The following CEP89 variants were observed in gnomAD, a reference collection of about 807,000 sequenced individuals.
CEP89 encodes centrosomal protein of 89 kDa.
In CEP89, 95 loss-of-function variants were observed where a neutral mutation model predicts 97.6. The observed-to-expected ratio is 0.97, with a 90% confidence interval of 0.82 to 1.15. CEP89 has a LOEUF of 1.15. Among genes scored for constraint, CEP89 ranks in the 50% most tolerant of loss-of-function variants. The pLI is 0.00. For missense variants in CEP89, 869 were observed against 947.7 expected, an observed-to-expected ratio of 0.92 and a Z score of 1.09; for synonymous variants, 354 against 349.1, an observed-to-expected ratio of 1.01 and a Z score of -0.16.
chr19:32,962,070 G>T (rs1971180815), intron 2 of CEP89, among the ~76,000 whole-genome samples: 1 of 150,694 alleles, frequency 6.6e-6, no homozygotes, highest in Non-Finnish European at 1.5e-5. Flanking sequence ...AAAAATCATG[G>T]ATCTATACCT....
chr19:32,897,759 C>T lies in CEP89; in HGVS notation c.1875+2098G>A, dbSNP rs1969674111. On this transcript the variant is annotated intron_variant, in intron 16 of 18. Transcript: ENST00000305768. ...TCGTTATTTGTAGAGACAGGTTCTCCCTATCTTGCCCATGCTGGTCTCAAA... is the reference window on the plus strand; with the variant it reads ...TCGTTATTTGTAGAGACAGGTTCTCTCTATCTTGCCCATGCTGGTCTCAAA... Among the ~76,000 whole-genome samples the T allele has an allele frequency of 1.3e-5, 2 of 151,996 alleles. 1 individual carries two copies. Among genetic ancestry groups the T allele is most frequent in the South Asian group, 4.2e-4 (2 of 4,816 alleles).
chr19:32,931,374 C>G (rs780043543), intron 9 of CEP89, 55 bp downstream of exon 9: 32 of 1,466,608 alleles, frequency 2.2e-5, no homozygotes, highest in Non-Finnish European at 2.9e-5. Flanking sequence ...GAAATCAATT[C>G]AACAGTAAAG....
At chr19:32,903,765 C>CAGA (rs1269628330) in intron 14 of CEP89, among the ~76,000 whole-genome samples, 1 of 152,188 alleles carries the variant, frequency 6.6e-6, no homozygotes, top group African/African-American at 2.4e-5. Flanking sequence ...GAGGGAAAAA[C>CAGA]AGAAGAGACC....
intron 5 of CEP89, among the ~76,000 whole-genome samples, chr19:32,947,554 G>A (rs892196565): frequency 7.2e-5 from 11 of 151,868 alleles, no homozygotes; most frequent in Non-Finnish European, 1.3e-4. Context: ...ACAATGGTGC[G>A]ATCTCAGCTC....
At chr19:32,941,948 C>T (rs1375656238) in intron 5 of CEP89, among the ~76,000 whole-genome samples, 1 of 152,180 alleles carries the variant, frequency 6.6e-6, no homozygotes, top group African/African-American at 2.4e-5. Context: ...AACACCTTTA[C>T]AATAGTCTTG....
intron 4 of CEP89, among the ~76,000 whole-genome samples, chr19:32,950,566 C>T (rs1970890050): frequency 6.6e-6 from 1 of 152,080 alleles, no homozygotes; most frequent in Non-Finnish European, 1.5e-5. Context: ...CCCCTTCACC[C>T]CCACAAAAAA....
Position 32,879,173 on chromosome 19 carries a change from G to C in CEP89, c.2341C>G (p.Pro781Ala). The C allele has an allele frequency of 6.2e-7, 1 of 1,609,966 alleles. No individual in the cohort carries two copies. Among genetic ancestry groups the C allele is most frequent in the Non-Finnish European group, 8.5e-7 (1 of 1,177,304 alleles). The change falls in exon 19 of 19, where the codon CCC (proline) becomes GCC (alanine). Residue 781 changes from proline to alanine, a missense_variant. Pro to Ala is a conservative substitution (Grantham distance 27). Transcript: ENST00000305768. ...VCSYDLKSHA[P>A]TC ...GGCTCCCGCAGATTCTAGCAGGTGG[G>C]GGCATGAGACTTCAGGTCATAGGAG... is the stretch of plus-strand genomic sequence containing the variant.
intron 5 of CEP89, among the ~76,000 whole-genome samples, chr19:32,944,660 T>C (rs1319480515): frequency 6.6e-6 from 1 of 151,104 alleles, no homozygotes; most frequent in Non-Finnish European, 1.5e-5. Context: ...AAGGAGGAAG[T>C]ACTAGCAAGA....
intron 7 of CEP89, among the ~76,000 whole-genome samples, chr19:32,934,165 C>T: frequency 7.0e-6 from 1 of 141,904 alleles, no homozygotes; most frequent in East Asian, 2.1e-4. Context: ...AGAAGCAGAC[C>T]CAGGATGACC....
intron 4 of CEP89, among the ~76,000 whole-genome samples, chr19:32,950,298 T>C (rs1970883263): frequency 6.6e-6 from 1 of 152,046 alleles, no homozygotes. Context: ...GTGGCTCACA[T>C]CTATAATCCC....
rs372315433 is a variant in CEP89 at position 32,931,417 on chromosome 19, C to T, written c.1029+12G>A. Reference sequence around the variant, plus strand: ...AATCTGAAAAGCTGATTTTCACAATCGGAAACGTTACCTCTTCCTTGGACA... The same window carrying T: ...AATCTGAAAAGCTGATTTTCACAATTGGAAACGTTACCTCTTCCTTGGACA... On this transcript the variant is annotated intron_variant, in intron 9 of 18. Coordinates refer to ENST00000305768, the MANE Select transcript of CEP89 (RefSeq NM_032816.5). 319 of 1,556,180 alleles carry T rather than the reference C, an allele frequency of 2.0e-4. 1 individual carries two copies. Among genetic ancestry groups the T allele is most frequent in the Middle Eastern group, 6.7e-4 (4 of 5,934 alleles).
intron 13 of CEP89, among the ~76,000 whole-genome samples, chr19:32,916,621 A>T (rs1338921462): frequency 6.6e-6 from 1 of 152,152 alleles, no homozygotes; most frequent in Non-Finnish European, 1.5e-5. Flanking sequence ...CCTGTGTTAC[A>T]TGGTTGCATG....
In CEP89 at chr19:32,915,406, T is replaced by A; in HGVS notation, c.1496A>T (p.Glu499Val). Reference protein sequence around the residue: ...QLEILRAKCQELKTHSDGKIA... With the variant: ...QLEILRAKCQVLKTHSDGKIA... ...TTTGCCATCCGAGTGTGTTTTGAGT[T>A]CTTGGCATTTGGCACGTAAAATCTC... The change falls in exon 14 of 19, where the codon GAA becomes GTA. Residue 499 changes from glutamate to valine, a missense_variant. Physicochemically the swap from Glu to Val is moderately radical, Grantham distance 121. Coordinates refer to ENST00000305768, the MANE Select transcript of CEP89 (RefSeq NM_032816.5). The A allele has an allele frequency of 1.2e-6, 2 of 1,613,944 alleles. No individual in the cohort carries two copies. The highest frequency in any genetic ancestry group is 1.7e-6 in the Non-Finnish European group (2 of 1,179,954).
Position 32,899,941 on chromosome 19 carries a change from G to A in CEP89, c.1791C>T (p.Asn597=), listed in dbSNP as rs367929049. The A allele has an allele frequency of 8.4e-5, 135 of 1,613,852 alleles. No homozygotes were observed. The highest frequency in any genetic ancestry group is 1.1e-4 in the Non-Finnish European group (128 of 1,179,940). ...LKKQVEKAMG[N]EMSAHQYLAN... ...CCAGGTACTGATGAGCAGACATTTC[G>A]TTCCCCATGGCTTTTTCCACCTGCT... The change falls in exon 16 of 19, where the codon AAC becomes AAT. Residue 597 remains asparagine, a synonymous_variant. Transcript: ENST00000305768.
Position 32,971,886 on chromosome 19 carries a change from G to T in CEP89, c.-12C>A. The T allele has an allele frequency of 6.3e-7, 1 of 1,584,340 alleles. No individual in the cohort carries two copies. The highest frequency in any genetic ancestry group is 8.6e-7 in the Non-Finnish European group (1 of 1,163,846). ...AATCCCAGGAGCATCCTTGCAGCGC[G>T]AGGAGAATGGACCGGGGCCTGGACT... is the stretch of plus-strand genomic sequence containing the variant. On this transcript the variant is annotated 5_prime_UTR_variant, in exon 1 of 19. The change creates a premature stop within an existing upstream ORF in the 5' untranslated region. Coordinates refer to ENST00000305768, the MANE Select transcript of CEP89 (RefSeq NM_032816.5).
At chr19:32,930,109 T>C (rs1970441251) in intron 9 of CEP89, among the ~76,000 whole-genome samples, 1 of 148,716 alleles carries the variant, frequency 6.7e-6, no homozygotes, top group South Asian at 2.1e-4. Flanking sequence ...CACTGCAACC[T>C]CTGCCTCCCA....
intron 16 of CEP89, among the ~76,000 whole-genome samples, chr19:32,889,916 G>A (rs1051316056): frequency 1.3e-5 from 2 of 152,162 alleles, no homozygotes; most frequent in Non-Finnish European, 2.9e-5. Flanking sequence ...GGCACTTAAT[G>A]CTACCACAGA....
At chr19:32,922,900 T>C (rs2145917514) in intron 12 of CEP89, among the ~76,000 whole-genome samples, 1 of 151,344 alleles carries the variant, frequency 6.6e-6, no homozygotes, top group South Asian at 2.1e-4. Context: ...TGGCCTCTCC[T>C]GAAGGCAGTG....
rs1555788308 is a variant in CEP89 at position 32,892,095 on chromosome 19, T to TATATATATATAGAC, written c.1876-4255_1876-4254insGTCTATATATATAT. 2.7e-4 allele frequency among the ~76,000 whole-genome samples: 35 copies of TATATATATATAGAC among 128,186 alleles called. 1 individual carries two copies. Among genetic ancestry groups the TATATATATATAGAC allele is most frequent in the African/African-American group, 1.4e-3 (33 of 23,004 alleles). The allele number at this position is 128,186 out of a possible 152,430, so 84.1% of individuals were successfully genotyped here. A position where few individuals can be genotyped will look rare whatever the true frequency, so the allele number is the denominator to read the frequency against. ...GAAGTCAAATACAGAATTCTAAATA[T>TATATATATATAGAC]ATATATATATATTTAGACATACATA... On this transcript the variant is annotated intron_variant, in intron 16 of 18. Coordinates refer to ENST00000305768, the MANE Select transcript of CEP89 (RefSeq NM_032816.5).
Sources: allele counts gnomAD v4.1 joint callset (sites outside exome capture counted in the v4.1 genomes callset), GRCh38; gene constraint gnomAD v4.1.1; transcripts MANE v1.5; gene names NCBI Gene and HGNC (gene_info 2026-07-23, HGNC 2026-07-21).